Variants in TET1 observed in about 807,000 individuals in gnomAD.
The protein encoded by TET1 is methylcytosine dioxygenase TET1.
A neutral mutation model predicts 148.7 loss-of-function variants in TET1; 13 were observed. That is an observed-to-expected ratio of 0.09 (90% CI 0.06 to 0.14). The LOEUF (loss-of-function observed/expected upper bound fraction) is 0.14. TET1 is among the 10% of genes least tolerant of loss of function. The pLI, the probability that TET1 is intolerant of heterozygous loss-of-function variation, is 1.00. For missense variants in TET1, 2,182 were observed against 2,553.8 expected, an observed-to-expected ratio of 0.85 and a Z score of 3.14; for synonymous variants, 907 against 937.2, an observed-to-expected ratio of 0.97 and a Z score of 0.59.
Position 68,691,203 on chromosome 10 carries a change from C to T in TET1, c.5800C>T (p.Leu1934=). The change falls in exon 12 of 12, where the codon CTA becomes TTA. Residue 1934 remains leucine (L), a synonymous_variant. Coordinates refer to ENST00000373644, the MANE Select transcript of TET1 (RefSeq NM_030625.3). The surrounding 1 kb of genome is among the most constrained non-coding windows in gnomAD (Gnocchi z 4.4). ...GCCTTCCACTGGTGTGACTGAGCCG[C>T]TAACGCCTCATCAGCCAAACCACCA... ...SEPSTGVTEP[L]TPHQPNHQPS... The T allele has an allele frequency of 6.2e-7, 1 of 1,614,160 alleles. No individual in the cohort carries two copies. The highest frequency in any genetic ancestry group is 8.5e-7 in the Non-Finnish European group (1 of 1,180,038).
At chr10:68,624,632 CTTTCTTTCTTTCTTTCTTTCTTTCTT>C (rs1429775197) in intron 3 of TET1, among the ~76,000 whole-genome samples, 9 of 41,972 alleles carry the variant, frequency 2.1e-4, no homozygotes, top group African/African-American at 1.2e-3. Flanking sequence ...TTCTTTCTTT[CTTTCTTTCTTTCTTTCTTTCTTTCTT>C]TCTCTCTCTC....
At chr10:68,613,224 T>C (rs1589076556) in intron 3 of TET1, among the ~76,000 whole-genome samples, 1 of 152,252 alleles carries the variant, frequency 6.6e-6, no homozygotes, top group East Asian at 1.9e-4. Flanking sequence ...TTAATTTGGT[T>C]AACTTTTCTC....
intron 6 of TET1, among the ~76,000 whole-genome samples, chr10:68,665,286 A>G (rs1169528426): frequency 3.0e-5 from 3 of 99,810 alleles, no homozygotes; most frequent in Admixed American, 9.4e-5. Context: ...ACACATACAC[A>G]CACACACACA....
At chr10:68,560,961 C>T (rs2053545328) in intron 1 of TET1, among the ~76,000 whole-genome samples, 1 of 152,192 alleles carries the variant, frequency 6.6e-6, no homozygotes, top group South Asian at 2.1e-4. Flanking sequence ...TAAACAATGC[C>T]CCCGGCCGGA....
chr10:68,687,956 C>A (rs1232498534), intron 11 of TET1, among the ~76,000 whole-genome samples: 1 of 151,882 alleles, frequency 6.6e-6, no homozygotes, highest in Non-Finnish European at 1.5e-5. Flanking sequence ...CAGAGTCTTG[C>A]TATGTTGCCA....
intron 10 of TET1, among the ~76,000 whole-genome samples, chr10:68,684,167 T>A (rs1437343348): frequency 1.3e-5 from 2 of 152,122 alleles, no homozygotes; most frequent in Non-Finnish European, 2.9e-5. Context: ...GATAGGAGGA[T>A]TGCTTGAGCC....
In TET1 at chr10:68,645,119, C is replaced by A. The variant is rs1010322878; in HGVS notation, c.2390C>A (p.Thr797Asn). ...AATTCTTATAAATTCCTAAAAGACA[C>A]TGCAAACCATAAAAACGCTATGAGC... ...ENNSYKFLKDTANHKNAMSSV... is the reference protein window; with the variant it reads ...ENNSYKFLKDNANHKNAMSSV... The change falls in exon 4 of 12, where the codon ACT becomes AAT. Residue 797 changes from threonine (T) to asparagine (N), a missense_variant. Physicochemically the swap from Thr to Asn is moderately conservative, Grantham distance 65. This residue lies in a region of TET1 where 226 missense variants were observed against 307.4 expected (regional missense o/e 0.74). Coordinates refer to ENST00000373644, the MANE Select transcript of TET1 (RefSeq NM_030625.3). The A allele has an allele frequency of 6.2e-7, 1 of 1,613,678 alleles. No individual in the cohort carries two copies. Among genetic ancestry groups the A allele is most frequent in the Non-Finnish European group, 8.5e-7 (1 of 1,179,690 alleles).
chr10:68,675,467 C>T (rs1190607348), intron 8 of TET1, among the ~76,000 whole-genome samples: 1 of 152,050 alleles, frequency 6.6e-6, no homozygotes, highest in Non-Finnish European at 1.5e-5. Flanking sequence ...ATGGGCACTG[C>T]CCCAAAGAAA....
Position 68,692,505 on chromosome 10 carries a change from A to G in TET1, c.*691A>G. 1 of 232,246 alleles carries G rather than the reference A, an allele frequency of 4.3e-6. No individual in the cohort carries two copies. 14.4% of individuals were successfully genotyped at this position (232,246 alleles called of 1,614,324 possible). On this transcript the variant is annotated 3_prime_UTR_variant, in exon 12 of 12. Coordinates refer to ENST00000373644, the MANE Select transcript of TET1 (RefSeq NM_030625.3). ...ATCCTATTGTCTATTGTTTGTGCAT[A>G]TTTGCATACAAGAGAAATCATTTAT... is the stretch of plus-strand genomic sequence containing the variant.
chr10:68,570,730 C>T (rs757994044), intron 1 of TET1, among the ~76,000 whole-genome samples: 59 of 149,076 alleles, frequency 4.0e-4, no homozygotes, highest in Non-Finnish European at 6.3e-4. Flanking sequence ...CCCGGGTTCA[C>T]GCCATTCTCC....
intron 1 of TET1, among the ~76,000 whole-genome samples, chr10:68,565,080 T>C (rs575766954): frequency 6.6e-6 from 1 of 152,004 alleles, no homozygotes; most frequent in Admixed American, 6.6e-5. Flanking sequence ...TTATCAGAAA[T>C]GAAAAATGGA....
intron 3 of TET1, among the ~76,000 whole-genome samples, chr10:68,632,168 A>C (rs1301669579): frequency 6.6e-6 from 1 of 151,792 alleles, no homozygotes; most frequent in African/African-American, 2.4e-5. Flanking sequence ...AAAAATACAA[A>C]AAAATTAGCG....
chr10:68,650,857 T>C (rs2054921955), intron 4 of TET1, among the ~76,000 whole-genome samples: 1 of 152,144 alleles, frequency 6.6e-6, no homozygotes, highest in African/African-American at 2.4e-5. Context: ...AAAATTCAAG[T>C]GGTGCAGAAA....
At position 68,646,391 on chromosome 10, in the gene TET1, A is replaced by C. The variant is rs1330370127; in HGVS notation, c.3662A>C (p.Lys1221Thr). The C allele has an allele frequency of 1.9e-6, 3 of 1,614,182 alleles. No individual in the cohort carries two copies. ...ATTTCTTCCTCGACCAAAATATGGA[A>C]ACCACTGGCTCAAACGAGGTCCATT... ...GKISSSTKIWKPLAQTRSIMQ... is the reference protein window; with the variant it reads ...GKISSSTKIWTPLAQTRSIMQ... Residue 1221 changes from lysine (K) to threonine (T), a missense_variant, in exon 4 of 12, where the codon AAA (lysine) becomes ACA (threonine). Coordinates refer to ENST00000373644, the MANE Select transcript of TET1 (RefSeq NM_030625.3).
chr10:68,645,327 A>G lies in TET1; in HGVS notation c.2598A>G (p.Glu866=), dbSNP rs112027067. The G allele has an allele frequency of 4.3e-5, 70 of 1,614,062 alleles. No homozygotes were observed. Among genetic ancestry groups the G allele is most frequent in the South Asian group, 1.1e-5 (1 of 91,088 alleles). ...PKTPENIPSK[E]PKDGSPVQPS... ...CTCCTGAGAATATACCAAGTAAAGA[A>G]CCAAAAGATGGATCTCCCGTTCAAC... The change falls in exon 4 of 12, where the codon GAA becomes GAG. Residue 866 remains glutamate, a synonymous_variant. Coordinates refer to ENST00000373644, the MANE Select transcript of TET1 (RefSeq NM_030625.3).
At chr10:68,674,339 G>T in intron 8 of TET1, 1 of 207,114 alleles carries the variant, frequency 4.8e-6, no homozygotes, top group Non-Finnish European at 9.7e-6. Flanking sequence ...GTAGTGGTTG[G>T]CAAGAATAAG....
intron 3 of TET1, among the ~76,000 whole-genome samples, chr10:68,634,260 A>G (rs1311440504): frequency 6.6e-6 from 1 of 152,190 alleles, no homozygotes; most frequent in African/African-American, 2.4e-5. Context: ...CTCAGTGTGT[A>G]CTGTAAATAT....
At chr10:68,597,614 C>T (rs2054003392) in intron 2 of TET1, among the ~76,000 whole-genome samples, 1 of 152,196 alleles carries the variant, frequency 6.6e-6, no homozygotes, top group Non-Finnish European at 1.5e-5. Context: ...AGCAATTCTA[C>T]TCCAAGGTGT....
intron 3 of TET1, among the ~76,000 whole-genome samples, chr10:68,631,282 G>A (rs75414534): frequency 2.0e-5 from 3 of 152,158 alleles, no homozygotes; most frequent in Non-Finnish European, 4.4e-5. Context: ...CAACATAGTG[G>A]TGGGAACAAA....
Sources: gnomAD v4.1 joint callset for allele counts (sites outside exome capture counted in the v4.1 genomes callset) on GRCh38, gnomAD v4.1.1 for gene constraint, gnomAD v4.1.1 regional missense constraint, Gnocchi (gnomAD v3.1) non-coding constraint, MANE v1.5 for transcripts, NCBI Gene and HGNC (gene_info 2026-07-23, HGNC 2026-07-21) for gene names.